The following ENTPD7 variants were observed in gnomAD, a reference collection of about 807,000 sequenced individuals.
ENTPD7 encodes the protein ectonucleoside triphosphate diphosphohydrolase 7.
In ENTPD7, 53 loss-of-function variants were observed where a neutral mutation model predicts 77.9. That is an observed-to-expected ratio of 0.68 (90% CI 0.55 to 0.85). The LOEUF (loss-of-function observed/expected upper bound fraction) is 0.85. ENTPD7 is among the 40% of genes least tolerant of loss of function. ENTPD7 has a pLI of 0.00. For missense variants in ENTPD7, 636 were observed against 743.7 expected (o/e 0.86, Z 1.68); for synonymous variants, 248 against 274.9 (o/e 0.90, Z 0.97).
intron 12 of ENTPD7, among the ~76,000 whole-genome samples, chr10:99,704,039 A>T (rs535257480): frequency 1.3e-5 from 2 of 152,312 alleles, no homozygotes; most frequent in African/African-American, 4.8e-5. Context: ...TAGCAACTTT[A>T]AAAAAAGGAT....
chr10:99,679,977 A>G lies in ENTPD7; in HGVS notation c.548+102A>G, dbSNP rs2035733026. On this transcript the variant is annotated intron_variant, in intron 5 of 12. Coordinates refer to ENST00000370489, the MANE Select transcript of ENTPD7 (RefSeq NM_020354.5). ...GTGGTTCCCTGGTCTATACCCCTAAACCCAATTATGACACAATCATTCATT... is the reference window on the plus strand; with the variant it reads ...GTGGTTCCCTGGTCTATACCCCTAAGCCCAATTATGACACAATCATTCATT... 5 of 1,360,834 alleles carry G rather than the reference A, an allele frequency of 3.7e-6. No homozygotes were observed. The East Asian group carries it at 9.4e-5, about 26-fold the overall frequency. The allele number at this position is 1,360,834 out of a possible 1,614,324, so 84.3% of individuals were successfully genotyped here.
chr10:99,671,923 A>T (rs1302476982), intron 3 of ENTPD7, among the ~76,000 whole-genome samples: 2 of 152,252 alleles, frequency 1.3e-5, no homozygotes, highest in Admixed American at 1.3e-4. Context: ...GTTTAATTAA[A>T]GCAAGTCAAA....
intron 3 of ENTPD7, among the ~76,000 whole-genome samples, chr10:99,663,782 AT>A (rs1268212679): frequency 6.6e-6 from 1 of 151,906 alleles, no homozygotes; most frequent in Non-Finnish European, 1.5e-5. Flanking sequence ...TGTGCTTGTG[AT>A]TTGTTGATTC....
chr10:99,670,649 C>A (rs980547975), intron 3 of ENTPD7, among the ~76,000 whole-genome samples: 14 of 152,170 alleles, frequency 9.2e-5, no homozygotes, highest in Non-Finnish European at 2.1e-4. Context: ...TAGGCAACTG[C>A]AACACAATGG....
chr10:99,665,007 T>C (rs1402542117), intron 3 of ENTPD7, among the ~76,000 whole-genome samples: 1 of 151,686 alleles, frequency 6.6e-6, no homozygotes, highest in African/African-American at 2.4e-5. Context: ...TCTCAGCACT[T>C]TGGGAGGCGG....
chr10:99,661,411 A>G (rs749097734), intron 2 of ENTPD7, 35 bp from the exon 3 acceptor site: 3 of 1,550,158 alleles, frequency 1.9e-6, no homozygotes, highest in African/African-American at 1.4e-5. Flanking sequence ...AGTTGTAGAA[A>G]TGTTTCAGAC....
At chr10:99,670,901 C>T (rs1306786928) in intron 3 of ENTPD7, among the ~76,000 whole-genome samples, 3 of 151,992 alleles carry the variant, frequency 2.0e-5, no homozygotes, top group Non-Finnish European at 4.4e-5. Flanking sequence ...GCCTGTAGCC[C>T]CAGCTACTTG....
At chr10:99,697,703 T>C (rs1442925882) in intron 9 of ENTPD7, 1 of 160,342 alleles carries the variant, frequency 6.2e-6, no homozygotes, top group Non-Finnish European at 1.4e-5. Context: ...TGTTCTGTTG[T>C]ACTGCCTCAT....
Position 99,704,664 on chromosome 10 carries a change from G to C in ENTPD7, c.1796G>C (p.Gly599Ala). 1 of 1,613,880 alleles carries C rather than the reference G, an allele frequency of 6.2e-7. No individual in the cohort carries two copies. Among genetic ancestry groups the C allele is most frequent in the Non-Finnish European group, 8.5e-7 (1 of 1,179,918 alleles). Residue 599 changes from glycine (G) to alanine (A), a missense_variant, in exon 13 of 13, where the codon GGA becomes GCA. Physicochemically the swap from Gly to Ala is moderately conservative, Grantham distance 60. Coordinates refer to ENST00000370489, the MANE Select transcript of ENTPD7 (RefSeq NM_020354.5). ...CTTGAAGAGGTGGTGCCCATGATGG[G>C]AGTACAGGTGGGGCCGTGAGGCTGG... ...LWLEEVVPMM[G>A]VQVGP
intron 7 of ENTPD7, among the ~76,000 whole-genome samples, chr10:99,690,462 C>G (rs1340051350): frequency 2.0e-5 from 3 of 151,758 alleles, no homozygotes; most frequent in African/African-American, 7.3e-5. Context: ...TACCTATATC[C>G]TTTTTGTTCT....
intron 3 of ENTPD7, among the ~76,000 whole-genome samples, chr10:99,663,524 A>G (rs887053680): frequency 9.9e-5 from 15 of 151,408 alleles, no homozygotes; most frequent in African/African-American, 9.7e-5. Flanking sequence ...CAATGGTGCA[A>G]TCATAGCCCG....
intron 3 of ENTPD7, among the ~76,000 whole-genome samples, chr10:99,671,628 G>A (rs1475682635): frequency 6.6e-6 from 1 of 152,210 alleles, no homozygotes; most frequent in Non-Finnish European, 1.5e-5. Flanking sequence ...CTTCTAGCAT[G>A]TATACATAGT....
intron 8 of ENTPD7, among the ~76,000 whole-genome samples, chr10:99,693,880 T>G (rs1185890797): frequency 6.6e-6 from 1 of 150,846 alleles, no homozygotes; most frequent in East Asian, 2.0e-4. Flanking sequence ...ATCGCACCAC[T>G]GCATTCCAGC....
intron 3 of ENTPD7, among the ~76,000 whole-genome samples, chr10:99,662,515 G>A (rs1415612862): frequency 6.6e-6 from 1 of 151,930 alleles, no homozygotes; most frequent in Non-Finnish European, 1.5e-5. Context: ...CATGTTATAA[G>A]CTCCACAATA....
At chr10:99,665,408 T>G (rs1049363121) in intron 3 of ENTPD7, among the ~76,000 whole-genome samples, 1 of 152,176 alleles carries the variant, frequency 6.6e-6, no homozygotes, top group African/African-American at 2.4e-5. Context: ...AACCATTTCC[T>G]GGAATCTTTT....
rs1308371757 is a variant in ENTPD7, at chr10:99,709,431, G to A, written c.*4748G>A. ...ACGCTAGCTCCAGATTCCAGCCCCT[G>A]GGGCAATAACTTGTGAGGATTTTCC... On this transcript the variant is annotated 3_prime_UTR_variant, in exon 13 of 13. Transcript: ENST00000370489. 2 of 985,244 alleles carry A rather than the reference G, an allele frequency of 2.0e-6. No individual in the cohort carries two copies. Among genetic ancestry groups the A allele is most frequent in the African/African-American group, 3.5e-5 (2 of 57,192 alleles). The allele number at this position is 985,244 out of a possible 1,614,324, so 61.0% of individuals were successfully genotyped here.
chr10:99,686,916 CT>C (rs11325544), intron 6 of ENTPD7, among the ~76,000 whole-genome samples: 72,501 of 98,014 alleles, frequency 0.74, 25,732 homozygotes, highest in Middle Eastern at 0.84. Context: ...GGCTGTGAAT[CT>C]TTTTTTTTTT....
chr10:99,702,644 T>C lies in ENTPD7; in HGVS notation c.1554T>C (p.Ile518=). The C allele has an allele frequency of 6.2e-7, 1 of 1,613,184 alleles. No homozygotes were observed. ...AGGTTCAGTGGACGCTGGGAGCCATTCTATATAAAACACGATTCTTACCAC... is the reference window on the plus strand; with the variant it reads ...AGGTTCAGTGGACGCTGGGAGCCATCCTATATAAAACACGATTCTTACCAC... ...DREVQWTLGA[I]LYKTRFLPLR... The change falls in exon 12 of 13, where the codon ATT becomes ATC. Residue 518 remains isoleucine (I), a synonymous_variant. Transcript: ENST00000370489.
In ENTPD7 at chr10:99,705,740, T is replaced by G. The variant is rs1238385646; in HGVS notation, c.*1057T>G. 6.6e-6 allele frequency: 1 copy of G among 152,240 alleles called. No homozygotes were observed. The highest frequency in any genetic ancestry group is 1.5e-5 in the Non-Finnish European group (1 of 68,040). 9.4% of individuals were successfully genotyped at this position (152,240 alleles called of 1,614,324 possible). ...TTCTCAATTTATGACTCTTGGAATG[T>G]CTGAAAGGGAGCAAATTTGGAATAG... On this transcript the variant is annotated 3_prime_UTR_variant, in exon 13 of 13. Coordinates refer to ENST00000370489, the MANE Select transcript of ENTPD7 (RefSeq NM_020354.5).
Sources: allele counts gnomAD v4.1 joint callset (sites outside exome capture counted in the v4.1 genomes callset), GRCh38; gene constraint gnomAD v4.1.1; transcripts MANE v1.5; gene names NCBI Gene and HGNC (gene_info 2026-07-23, HGNC 2026-07-21).